The following FGFR2 variants were observed in gnomAD, a reference collection of about 807,000 sequenced individuals.
The protein encoded by FGFR2 is BEK fibroblast growth factor receptor.
FGFR2 carries 19 observed loss-of-function variants against 95.9 expected under a neutral mutation model. The ratio of observed to expected loss-of-function variants is 0.20; its 90% CI spans 0.14 to 0.29. The LOEUF (loss-of-function observed/expected upper bound fraction) is 0.29. FGFR2 is among the 10% of genes least tolerant of loss of function. The pLI is 1.00. For missense variants in FGFR2, 707 were observed against 1,056.9 expected (o/e 0.67, Z 4.59); for synonymous variants, 392 against 393.3 (o/e 1.00, Z 0.04).
chr10:121,510,675 G>A (rs1011412716), intron 9 of FGFR2, among the ~76,000 whole-genome samples: 3 of 151,974 alleles, frequency 2.0e-5, no homozygotes, highest in South Asian at 2.1e-4. Context: ...CGAGGCACCC[G>A]CTCCGCTCCT....
intron 4 of FGFR2, among the ~76,000 whole-genome samples, chr10:121,562,592 T>C (rs1168370883): frequency 6.6e-6 from 1 of 152,140 alleles, no homozygotes; most frequent in Non-Finnish European, 1.5e-5. Context: ...AGCCGAGATA[T>C]CTTTTAGTAG....
chr10:121,509,138 T>G (rs1848689277), intron 9 of FGFR2, among the ~76,000 whole-genome samples: 1 of 152,244 alleles, frequency 6.6e-6, no homozygotes, highest in Non-Finnish European at 1.5e-5. Context: ...AATTCCTACC[T>G]AGAAACTTCA....
At chr10:121,504,982 G>A (rs371136841) in intron 9 of FGFR2, among the ~76,000 whole-genome samples, 78 of 152,272 alleles carry the variant, frequency 5.1e-4, no homozygotes, top group African/African-American at 1.8e-3. Context: ...AGTTAACCAC[G>A]ATCCATCTCC....
At chr10:121,501,073 CTAA>C in intron 10 of FGFR2, 126 bp from the exon 11 acceptor site, 2 of 1,337,414 alleles carry the variant, frequency 1.5e-6, no homozygotes, top group Non-Finnish European at 2.1e-6. Flanking sequence ...TCATATGGAA[CTAA>C]TGAGACTTAG....
In FGFR2 at chr10:121,508,606, A is replaced by C. The variant is rs1848624094; in HGVS notation, c.1288-4665T>G. Among the ~76,000 whole-genome samples, 5 of 152,328 alleles carry C rather than the reference A, an allele frequency of 3.3e-5. No homozygotes were observed. The South Asian group carries it at 1.0e-3, about 32-fold the overall frequency. ...ATGGAAAGCCTAAAAATAAATAAAT[A>C]AGAAAGCCTTTATCAACTTTATTGT... On this transcript the variant is annotated intron_variant, in intron 9 of 17. Coordinates refer to ENST00000358487, the MANE Select transcript of FGFR2 (RefSeq NM_000141.5).
chr10:121,499,489 G>A (rs1476141369), intron 11 of FGFR2, among the ~76,000 whole-genome samples: 1 of 152,238 alleles, frequency 6.6e-6, no homozygotes, highest in Non-Finnish European at 1.5e-5. Flanking sequence ...TGAGGAGGGA[G>A]GGAGACACAG....
rs1649177 is a variant in FGFR2 at position 121,584,539 on chromosome 10, A to G, written c.109+9170T>C. ...AGATCCCATAACCCCTCTCCATCCC[A>G]CACCCCACCCCAAACGATCCCATAA... is the stretch of plus-strand genomic sequence containing the variant. On this transcript the variant is annotated intron_variant, in intron 2 of 17. Transcript: ENST00000358487. Among the ~76,000 whole-genome samples, 6 of 3,866 alleles carry G rather than the reference A, an allele frequency of 1.6e-3. 1 individual carries two copies. The highest frequency in any genetic ancestry group is 2.9e-3 in the Admixed American group (1 of 346). 2.5% of individuals were successfully genotyped at this position (3,866 alleles called of 152,430 possible). A position where few individuals can be genotyped will look rare whatever the true frequency, so the allele number is the denominator to read the frequency against.
Position 121,478,914 on chromosome 10 carries a change from T to C in FGFR2, c.*943A>G, listed in dbSNP as rs917320803. On this transcript the variant is annotated 3_prime_UTR_variant, in exon 18 of 18. Transcript: ENST00000358487. ...AAGAGGACGCTGGTACCATTTATCTTGGGAAGTCCAGTTAGACGTTGCGTT... is the reference window on the plus strand; with the variant it reads ...AAGAGGACGCTGGTACCATTTATCTCGGGAAGTCCAGTTAGACGTTGCGTT... The C allele has an allele frequency of 2.1e-5, 5 of 233,492 alleles. No homozygotes were observed. The highest frequency in any genetic ancestry group is 4.2e-5 in the Non-Finnish European group (5 of 117,988). 14.5% of individuals were successfully genotyped at this position (233,492 alleles called of 1,614,324 possible).
intron 13 of FGFR2, among the ~76,000 whole-genome samples, chr10:121,496,184 A>AG (rs1846773327): frequency 6.6e-6 from 1 of 151,778 alleles, no homozygotes. Flanking sequence ...ATGAAGCTTA[A>AG]GAAAAAAAAA....
chr10:121,537,334 G>A (rs1455498254), intron 6 of FGFR2, among the ~76,000 whole-genome samples: 1 of 152,198 alleles, frequency 6.6e-6, no homozygotes, highest in Non-Finnish European at 1.5e-5. Context: ...AAGGCAGAGT[G>A]TCTCGTAGAT....
rs749729413 is a variant in FGFR2, at chr10:121,524,339, A to G, written c.749-4170T>C. On this transcript the variant is annotated intron_variant, in intron 6 of 17. Coordinates refer to ENST00000358487, the MANE Select transcript of FGFR2 (RefSeq NM_000141.5). ...ACTGCAAGCAGGATTGTTCTGTAAT[A>G]GAAACCTTACACTGTCTTCCAAACT... 1.9e-4 allele frequency among the ~76,000 whole-genome samples: 29 copies of G among 152,234 alleles called. 1 individual carries two copies. The highest frequency in any genetic ancestry group is 1.6e-3 in the Admixed American group (24 of 15,274).
intron 2 of FGFR2, among the ~76,000 whole-genome samples, chr10:121,568,219 G>C (rs543027959): frequency 5.9e-4 from 90 of 152,246 alleles, no homozygotes; most frequent in African/African-American, 1.2e-3. Flanking sequence ...CTCAACATGA[G>C]AGCTGAAGGG....
chr10:121,581,185 CT>C (rs1210863883), intron 2 of FGFR2, among the ~76,000 whole-genome samples: 3 of 152,252 alleles, frequency 2.0e-5, no homozygotes, highest in Non-Finnish European at 4.4e-5. Flanking sequence ...CTCGCCACAC[CT>C]TCAAGGGCAA....
Position 121,564,487 on chromosome 10 carries a change from C to T in FGFR2, c.454+15G>A, listed in dbSNP as rs200275522. 73 of 1,611,876 alleles carry T rather than the reference C, an allele frequency of 4.5e-5. No homozygotes were observed. The East Asian group carries it at 6.0e-4, about 13-fold the overall frequency. On this transcript the variant is annotated intron_variant, in intron 4 of 17. Transcript: ENST00000358487. ...CTCCTCTCTCGGGGACCATCGGAGC[C>T]GGGCAGTTACTTACTCTTGTTGTTA...
chr10:121,509,519 CAG>C lies in FGFR2; in HGVS notation c.1288-5580_1288-5579del, dbSNP rs1291140712. ...TTTTTTTTTTTTTTTTGGTTTGAGA[CAG>C]AGTTTCACTCTCATTATCCAGGCAC... On this transcript the variant is annotated intron_variant, in intron 9 of 17. Transcript: ENST00000358487. Among the ~76,000 whole-genome samples, 7 of 100,084 alleles carry C rather than the reference CAG, an allele frequency of 7.0e-5. No homozygotes were observed. The East Asian group carries it at 2.5e-3, about 35-fold the overall frequency. 65.7% of individuals were successfully genotyped at this position (100,084 alleles called of 152,430 possible).
chr10:121,562,029 C>T (rs1208797998), intron 4 of FGFR2, among the ~76,000 whole-genome samples: 1 of 152,138 alleles, frequency 6.6e-6, no homozygotes, highest in Non-Finnish European at 1.5e-5. Context: ...ATCCAGAACA[C>T]CAAGCACATC....
intron 6 of FGFR2, chr10:121,526,906 C>A (rs911996015): frequency 2.5e-6 from 1 of 395,842 alleles, no homozygotes; most frequent in Non-Finnish European, 4.4e-6. Context: ...TCGGCTGGGG[C>A]TCCCACTTCC....
rs2135110683 is a variant in FGFR2 at position 121,565,464 on chromosome 10, G to A, written c.350C>T (p.Thr117Ile). 6.2e-7 allele frequency: 1 copy of A among 1,614,180 alleles called. No individual in the cohort carries two copies. The highest frequency in any genetic ancestry group is 1.3e-5 in the African/African-American group (1 of 75,056). The change falls in exon 3 of 18, where the codon ACT becomes ATT. Residue 117 changes from threonine (T) to isoleucine (I), a missense_variant. Physicochemically the swap from Thr to Ile is moderately conservative, Grantham distance 89. This residue lies in a region of FGFR2 where 178 missense variants were observed against 194.1 expected (regional missense o/e 0.92). Coordinates refer to ENST00000358487, the MANE Select transcript of FGFR2 (RefSeq NM_000141.5). ...TGTGACATTCACCATGAAGTACCAA[G>A]TTTCACTGTCTACAGTCCTACTGGC... ...CTASRTVDSE[T>I]WYFMVNVTDA...
Position 121,496,632 on chromosome 10 carries a change from T to G in FGFR2, c.1763A>C (p.Tyr588Ser), listed in dbSNP as rs770827652. 2 of 1,612,864 alleles carry G rather than the reference T, an allele frequency of 1.2e-6. No homozygotes were observed. The highest frequency in any genetic ancestry group is 2.2e-5 in the South Asian group (2 of 91,014). Residue 588 changes from tyrosine (Y) to serine (S), a missense_variant, in exon 13 of 18, where the codon TAT becomes TCT. Around this residue, in one of 7 missense-constraint regions of FGFR2, gnomAD observed 37 missense variants for 34.1 expected, o/e 1.09. Coordinates refer to ENST00000358487, the MANE Select transcript of FGFR2 (RefSeq NM_000141.5). ...ARRPPGMEYSYDINRVPEEQM... is the reference protein window; with the variant it reads ...ARRPPGMEYSSDINRVPEEQM... Reference sequence around the variant, plus strand: ...CTCCTCAGGAACACGGTTAATGTCATAGGAGTACTCCATCCCGGGTGGCCT... The same window carrying G: ...CTCCTCAGGAACACGGTTAATGTCAGAGGAGTACTCCATCCCGGGTGGCCT...
Sources: allele counts gnomAD v4.1 joint callset (sites outside exome capture counted in the v4.1 genomes callset), GRCh38; gene constraint gnomAD v4.1.1; regional missense constraint gnomAD v4.1.1; transcripts MANE v1.5; gene names NCBI Gene and HGNC (gene_info 2026-07-23, HGNC 2026-07-21).